RPP40: variants seen among roughly 807,000 people sequenced by gnomAD.
The protein encoded by RPP40 is ribonuclease P protein subunit p40.
RPP40 carries 30 observed loss-of-function variants against 42.5 expected under a neutral mutation model. The observed-to-expected ratio is 0.71, with a 90% CI of 0.53 to 0.96. RPP40 has a LOEUF of 0.96. Ranked by LOEUF, RPP40 falls within the 40% of genes least tolerant of loss-of-function variation. RPP40 has a pLI of 0.00. For missense variants in RPP40, 426 were observed against 433.5 expected (o/e 0.98, Z 0.15); for synonymous variants, 173 against 164.0 (o/e 1.05, Z -0.42).
chr6:5,001,935 C>A, intron 2 of RPP40, 166 bp downstream of exon 2: 1 of 612,390 alleles, frequency 1.6e-6, no homozygotes, highest in Non-Finnish European at 2.8e-6. Flanking sequence ...AAAGAGGGTA[C>A]AAGAAAGAAC....
downstream of RPP40, among the ~76,000 whole-genome samples, chr6:4,991,347 A>C (rs2477487): frequency 0.27 from 41,509 of 151,992 alleles, 6,362 homozygotes; most frequent in African/African-American, 0.42. Context: ...TACTTGCGAA[A>C]AACTCTTAAC....
intron 4 of RPP40, among the ~76,000 whole-genome samples, chr6:4,999,136 C>A (rs1759469038): frequency 8.3e-6 from 1 of 120,318 alleles, no homozygotes; most frequent in South Asian, 2.9e-4. Context: ...GATGTGGCGG[C>A]CTTAGCTATT....
downstream of RPP40, among the ~76,000 whole-genome samples, chr6:4,992,766 T>A (rs1759278736): frequency 6.6e-6 from 1 of 152,228 alleles, no homozygotes; most frequent in Non-Finnish European, 1.5e-5. Flanking sequence ...ATCCTAACTG[T>A]TCTTTATTCC....
intron 2 of RPP40, 55 bp from the exon 3 acceptor site, chr6:5,000,686 T>C: frequency 3.8e-6 from 4 of 1,050,204 alleles, no homozygotes; most frequent in Non-Finnish European, 5.9e-6. Context: ...ACCTGCAAGA[T>C]GTTAGTGGAT....
Position 4,995,059 on chromosome 6 carries a change from GATTTTTA to G in RPP40, c.*12_*18del. ...AGCAAGCGTAAATGTAAGTAAACAC[GATTTTTA>G]ATTTTTATTTTTTATGGTGGACAGT... On this transcript the variant is annotated 3_prime_UTR_variant, in exon 8 of 8. Transcript: ENST00000380051. 6.3e-7 allele frequency: 1 copy of G among 1,597,730 alleles called. No homozygotes were observed. Among genetic ancestry groups the G allele is most frequent in the Non-Finnish European group, 8.5e-7 (1 of 1,171,568 alleles).
At chr6:4,991,524 G>A (rs1312003344), downstream of RPP40, among the ~76,000 whole-genome samples, 3 of 152,046 alleles carry the variant, frequency 2.0e-5, no homozygotes, top group East Asian at 1.9e-4. Context: ...AATGTCAATC[G>A]GGTCAAGTTG....
intron 5 of RPP40, among the ~76,000 whole-genome samples, chr6:4,997,621 T>C (rs1218574530): frequency 6.6e-6 from 1 of 152,152 alleles, no homozygotes; most frequent in Non-Finnish European, 1.5e-5. Context: ...AACTGCATGA[T>C]CAATTTCCCT....
At position 4,998,820 on chromosome 6, in the gene RPP40, T is replaced by C; in HGVS notation, c.455A>G (p.Glu152Gly). Residue 152 changes from glutamate to glycine, a missense_variant, in exon 5 of 8, where the codon GAA (glutamate) becomes GGA (glycine). Coordinates refer to ENST00000380051, the MANE Select transcript of RPP40 (RefSeq NM_006638.4). ...CTTAGAATCCAAGTTTAAGGATAAT[T>C]CCATCAAATCAATGGAAACAACTTT... ...MKFIVSIDLMELSLNLDSKKY... is the reference protein window; with the variant it reads ...MKFIVSIDLMGLSLNLDSKKY... 6.9e-7 allele frequency: 1 copy of C among 1,452,718 alleles called. No homozygotes were observed. Among genetic ancestry groups the C allele is most frequent in the South Asian group, 1.3e-5 (1 of 78,314 alleles). The allele number at this position is 1,452,718 out of a possible 1,614,324, so 90.0% of individuals were successfully genotyped here. A position where few individuals can be genotyped will look rare whatever the true frequency, so the allele number is the denominator to read the frequency against.
chr6:4,996,008 C>T lies in RPP40; in HGVS notation c.836G>A (p.Cys279Tyr), dbSNP rs771456445. 13 of 1,613,880 alleles carry T rather than the reference C, an allele frequency of 8.1e-6. No individual in the cohort carries two copies. Among genetic ancestry groups the T allele is most frequent in the South Asian group, 6.6e-5 (6 of 91,074 alleles). Residue 279 changes from cysteine to tyrosine, a missense_variant, in exon 7 of 8, where the codon TGT (cysteine) becomes TAT (tyrosine). Cys to Tyr is a radical substitution (Grantham distance 194). Coordinates refer to ENST00000380051, the MANE Select transcript of RPP40 (RefSeq NM_006638.4). ...PSTVVAKAYL[C>Y]TITGFILPEK... ...TGGAAGTATGAAGCCAGTGATTGTACACAAATAAGCTTTTGCCACCACTGT... is the reference window on the plus strand; with the variant it reads ...TGGAAGTATGAAGCCAGTGATTGTATACAAATAAGCTTTTGCCACCACTGT...
intron 7 of RPP40, among the ~76,000 whole-genome samples, chr6:4,995,576 T>C (rs1405198455): frequency 6.6e-6 from 1 of 152,108 alleles, no homozygotes; most frequent in African/African-American, 2.4e-5. Context: ...TAAGGATCCT[T>C]TCCCTCCTAT....
At chr6:4,989,621 A>C in the RPP40 span, among the ~76,000 whole-genome samples, 1 of 152,156 alleles carries the variant, frequency 6.6e-6, no homozygotes, top group Non-Finnish European at 1.5e-5. Context: ...AGTATTTTGT[A>C]GTTTTCAGTG....
chr6:5,001,548 G>A (rs1759558967), intron 2 of RPP40, among the ~76,000 whole-genome samples: 1 of 152,160 alleles, frequency 6.6e-6, no homozygotes, highest in Non-Finnish European at 1.5e-5. Flanking sequence ...AAGGCCCTCT[G>A]AAATAGTTTC....
rs1425260984 is a variant in RPP40, at chr6:5,000,860, A to G, written c.269-229T>C. Among the ~76,000 whole-genome samples the G allele has an allele frequency of 1.5e-4, 18 of 124,062 alleles. 1 individual carries two copies. The South Asian group carries it at 2.8e-3, about 19-fold the overall frequency. The allele number at this position is 124,062 out of a possible 152,430, so 81.4% of individuals were successfully genotyped here. A position where few individuals can be genotyped will look rare whatever the true frequency, so the allele number is the denominator to read the frequency against. On this transcript the variant is annotated intron_variant, in intron 2 of 7. Coordinates refer to ENST00000380051, the MANE Select transcript of RPP40 (RefSeq NM_006638.4). ...CAGAAGACCAAGCATGCAGAAGACC[A>G]AGCATGCAGAAGACAAAGCTTGCAG...
downstream of RPP40, among the ~76,000 whole-genome samples, chr6:4,991,186 ACTTT>A (rs1360828641): frequency 2.6e-5 from 4 of 152,042 alleles, no homozygotes; most frequent in Non-Finnish European, 5.9e-5. Context: ...TCTTCTGCTT[ACTTT>A]GAGTTTTTCT....
chr6:4,993,758 G>A (rs1011316590), downstream of RPP40, among the ~76,000 whole-genome samples: 2 of 152,144 alleles, frequency 1.3e-5, no homozygotes, highest in African/African-American at 4.8e-5. Flanking sequence ...AGGCTCTCAA[G>A]TAAGATGTTT....
In RPP40 at chr6:4,996,257, G is replaced by T. The variant is rs150878918; in HGVS notation, c.723C>A (p.Phe241Leu). Residue 241 changes from phenylalanine (F) to leucine (L), a missense_variant, in exon 6 of 8, where the codon TTC becomes TTA. By Grantham distance (22) the Phe-to-Leu change is conservative. Transcript: ENST00000380051. ...PEVSCRALEL[F>L]DWLGAVFSNV... The stretch of plus-strand genomic sequence containing the variant: ...TACTGAAGACGGCGCCGAGCCAGTC[G>T]AAGAGCTCCAGAGCCCGGCAGGACA... 3.7e-6 allele frequency: 6 copies of T among 1,613,880 alleles called. No individual in the cohort carries two copies. The African/African-American group carries it at 8.0e-5, about 22-fold the overall frequency.
Position 4,995,202 on chromosome 6 carries a change from GA to G in RPP40, c.967del (p.Ser323LeufsTer20). The G allele has an allele frequency of 6.2e-7, 1 of 1,613,966 alleles. No individual in the cohort carries two copies. The highest frequency in any genetic ancestry group is 8.5e-7 in the Non-Finnish European group (1 of 1,179,956). On this transcript the variant is annotated frameshift_variant, in exon 8 of 8. Transcript: ENST00000380051. LOFTEE classifies it high-confidence loss of function. The part of the protein sequence containing the change: ...SVQGFADSPV[S>X]WEKNEHGFRK... ...AAAACCATGTTCATTTTTTTCCCAA[GA>G]AACAGGGCTGTCTGCAAAGCCTTGA...
rs200686033 is a variant in RPP40 at position 4,996,101 on chromosome 6, T to C, written c.759-16A>G. 1.4e-5 allele frequency: 22 copies of C among 1,612,902 alleles called. 1 individual carries two copies. The highest frequency in any genetic ancestry group is 6.6e-5 in the South Asian group (6 of 90,972). On this transcript the variant is annotated splice_polypyrimidine_tract_variant and intron_variant, in intron 6 of 7. Transcript: ENST00000380051. ...CTCATTATTTCTGTCACCAAAAAAA[T>C]AAAAGAGAGAGAGATAACACATGTA... is the stretch of plus-strand genomic sequence containing the variant.
chr6:4,997,456 C>T (rs923581126), intron 5 of RPP40, among the ~76,000 whole-genome samples: 1 of 152,204 alleles, frequency 6.6e-6, no homozygotes, highest in African/African-American at 2.4e-5. Context: ...CTTGCACCAG[C>T]AGATCCACAG....
Sources: allele counts gnomAD v4.1 joint callset (sites outside exome capture counted in the v4.1 genomes callset), GRCh38; gene constraint gnomAD v4.1.1; transcripts MANE v1.5; gene names NCBI Gene and HGNC (gene_info 2026-07-23, HGNC 2026-07-21).